The following XG variants were observed in gnomAD, a reference collection of about 807,000 sequenced individuals.
The protein encoded by XG is Xg glycoprotein (Xg blood group).
Under a neutral mutation model 25.7 loss-of-function variants are expected in XG, and 24 were observed. The ratio of observed to expected loss-of-function variants is 0.93; its 90% CI spans 0.68 to 1.31. XG has a LOEUF of 1.31. Among genes scored for constraint, XG ranks in the 40% most tolerant of loss-of-function variants. The pLI, the probability that XG is intolerant of heterozygous loss-of-function variation, is 0.00. For missense variants in XG, 181 were observed against 187.6 expected (o/e 0.96, Z 0.21); for synonymous variants, 77 against 69.2 (o/e 1.11, Z -0.56).
At chrX:2,803,839 T>G (rs894594710) in intron 7 of XG, among the ~76,000 whole-genome samples, 3 of 111,544 alleles carry the variant, frequency 2.7e-5, no homozygotes, top group African/African-American at 9.8e-5. Context: ...TTCTTTTCTT[T>G]TCTTCTTTTT....
chrX:2,815,489 T>G lies in XG; in HGVS notation c.*1109T>G, dbSNP rs1477260510. The G allele has an allele frequency of 9.0e-6, 1 of 111,653 alleles. No individual in the cohort carries two copies. Among genetic ancestry groups the G allele is most frequent in the African/African-American group, 3.3e-5 (1 of 30,722 alleles). The allele number at this position is 111,653 out of a possible 1,213,427, so 9.2% of individuals were successfully genotyped here. On this transcript the variant is annotated 3_prime_UTR_variant, in exon 11 of 11. Transcript: ENST00000644266. ...CATGTTTTATGCTCACCATTATGAA[T>G]TGGGGTCTTCAAAGAGAGAAGGTTG...
At chrX:2,788,590 C>T (rs1449078239) in intron 4 of XG, among the ~76,000 whole-genome samples, 1 of 111,500 alleles carries the variant, frequency 9.0e-6, no homozygotes, top group African/African-American at 3.3e-5. Context: ...CACGGTGGCT[C>T]ATGCGTGTAA....
rs1255753503 is a variant in XG at position 2,815,430 on chromosome X, T to G, written c.*1050T>G. The G allele has an allele frequency of 8.9e-6, 1 of 111,874 alleles. No homozygotes were observed. Among genetic ancestry groups the G allele is most frequent in the Admixed American group, 9.5e-5 (1 of 10,497 alleles). 9.2% of individuals were successfully genotyped at this position (111,874 alleles called of 1,213,427 possible). The stretch of plus-strand genomic sequence containing the variant: ...CAAGACATTCATGTACAGTCTGGAA[T>G]GTATATATGGGGCCCATAAAAATTC... On this transcript the variant is annotated 3_prime_UTR_variant, in exon 11 of 11. Transcript: ENST00000644266.
chrX:2,767,258 A>C (rs1350835949), intron 1 of XG, among the ~76,000 whole-genome samples: 1 of 152,146 alleles, frequency 6.6e-6, no homozygotes, highest in Admixed American at 6.5e-5. Flanking sequence ...AATGCTTCAA[A>C]GTGCTGTATC....
At chrX:2,808,325 T>C (rs1374007406) in intron 9 of XG, 105 bp downstream of exon 9, 1 of 1,008,252 alleles carries the variant, frequency 9.9e-7, no homozygotes, top group Admixed American at 2.3e-5. Flanking sequence ...CTCATGACTT[T>C]CACGGAGCAC....
At chrX:2,777,530 T>C (rs1218315582) in intron 3 of XG, among the ~76,000 whole-genome samples, 1 of 151,900 alleles carries the variant, frequency 6.6e-6, no homozygotes, top group East Asian at 1.9e-4. Flanking sequence ...GAGGTGGAGG[T>C]TGCAGTGAGC....
chrX:2,783,753 T>C (rs2086755762), intron 4 of XG, among the ~76,000 whole-genome samples: 1 of 112,800 alleles, frequency 8.9e-6, no homozygotes, highest in South Asian at 3.6e-4. Context: ...GGCGGGCAGA[T>C]CACCTGAAGT....
rs746894367 is a variant in XG, at chrX:2,773,196, A to G, written c.104-1520A>G. On this transcript the variant is annotated intron_variant, in intron 2 of 10. Coordinates refer to ENST00000644266, the MANE Select transcript of XG (RefSeq NM_001141919.2). ...GGAAAAAGGATGGAAACAAGGAGGGAAGAAAAGGAAGAAGAGAGGGAACGA... is the reference window on the plus strand; with the variant it reads ...GGAAAAAGGATGGAAACAAGGAGGGGAGAAAAGGAAGAAGAGAGGGAACGA... 1.2e-4 allele frequency among the ~76,000 whole-genome samples: 18 copies of G among 150,604 alleles called. No homozygotes were observed. The South Asian group carries it at 3.6e-3, about 31-fold the overall frequency.
intron 5 of XG, 120 bp downstream of exon 5, chrX:2,789,826 C>A: frequency 3.0e-6 from 1 of 329,500 alleles, no homozygotes; most frequent in Admixed American, 6.6e-5. Context: ...TGTTATTTTA[C>A]TTTATTTTAT....
At chrX:2,800,073 T>G (rs905003827) in intron 7 of XG, among the ~76,000 whole-genome samples, 1 of 111,411 alleles carries the variant, frequency 9.0e-6, no homozygotes, top group Non-Finnish European at 1.9e-5. Context: ...ATTCCATGTC[T>G]TTACTATTTG....
chrX:2,788,457 T>C lies in XG; in HGVS notation c.191-1187T>C, dbSNP rs926268574. Among the ~76,000 whole-genome samples, 3 of 112,222 alleles carry C rather than the reference T, an allele frequency of 2.7e-5. No homozygotes were observed. The Admixed American group carries it at 2.8e-4, about 11-fold the overall frequency. On this transcript the variant is annotated intron_variant, in intron 4 of 10. Coordinates refer to ENST00000644266, the MANE Select transcript of XG (RefSeq NM_001141919.2). ...GAGACAGGAGGGACGAGCTAATTAA[T>C]GCTTTTCCAGATGACAAATGGATTC... is the stretch of plus-strand genomic sequence containing the variant.
chrX:2,766,717 ACC>A (rs1569459941), intron 1 of XG, among the ~76,000 whole-genome samples: 6 of 150,246 alleles, frequency 4.0e-5, no homozygotes, highest in African/African-American at 7.4e-5. Flanking sequence ...GGCGCCCGCC[ACC>A]ACACCCGGCT....
At chrX:2,762,441 C>G (rs1211575131) in intron 1 of XG, among the ~76,000 whole-genome samples, 2 of 152,004 alleles carry the variant, frequency 1.3e-5, no homozygotes, top group East Asian at 3.9e-4. Flanking sequence ...TTCCGAGGAG[C>G]AGATCATGCA....
intron 2 of XG, 137 bp downstream of exon 2, chrX:2,770,728 A>AT (rs1465535412): frequency 1.0e-6 from 1 of 997,784 alleles, no homozygotes; most frequent in Non-Finnish European, 1.6e-6. Flanking sequence ...TTTGCAGGAG[A>AT]TTGCAGACAC....
chrX:2,772,430 CTG>C (rs1022253159), intron 2 of XG, among the ~76,000 whole-genome samples: 26 of 152,314 alleles, frequency 1.7e-4, no homozygotes, highest in South Asian at 1.5e-3. Flanking sequence ...AGCCTTGAAA[CTG>C]TGCTCAGTGA....
chrX:2,788,171 C>T (rs969133146), intron 4 of XG, among the ~76,000 whole-genome samples: 2 of 112,291 alleles, frequency 1.8e-5, no homozygotes, highest in African/African-American at 6.5e-5. Flanking sequence ...TGTTCTGAGA[C>T]GTCTGTCCTG....
At chrX:2,801,214 C>G (rs1480780540) in intron 7 of XG, among the ~76,000 whole-genome samples, 2 of 110,464 alleles carry the variant, frequency 1.8e-5, no homozygotes, top group Non-Finnish European at 3.8e-5. Flanking sequence ...GGGTACATAC[C>G]TGGGGTTCAT....
intron 3 of XG, among the ~76,000 whole-genome samples, chrX:2,777,178 T>C (rs1489828405): frequency 1.3e-5 from 2 of 152,092 alleles, no homozygotes; most frequent in Non-Finnish European, 2.9e-5. Context: ...TAAGTGATTG[T>C]TAGCTGTTTA....
At chrX:2,808,475 T>C (rs2087025090) in intron 9 of XG, 1 of 988,956 alleles carries the variant, frequency 1.0e-6, no homozygotes, top group African/African-American at 2.0e-5. Flanking sequence ...AAAGCAAGGC[T>C]GTGAATGAGT....
Sources: gnomAD v4.1 joint callset for allele counts (sites outside exome capture counted in the v4.1 genomes callset) on GRCh38, gnomAD v4.1.1 for gene constraint, MANE v1.5 for transcripts, NCBI Gene and HGNC (gene_info 2026-07-23, HGNC 2026-07-21) for gene names.